CDH12: variants seen among roughly 807,000 people sequenced by gnomAD.
CDH12 encodes the protein cadherin 12.
CDH12 carries 41 observed loss-of-function variants against 74.1 expected under a neutral mutation model. The observed-to-expected ratio is 0.55, with a 90% confidence interval of 0.43 to 0.72. The LOEUF is 0.72. CDH12 is among the 30% of genes least tolerant of loss of function. CDH12 has a pLI of 0.00. For missense variants in CDH12, 945 were observed against 977.2 expected, an observed-to-expected ratio of 0.97 and a Z score of 0.44; for synonymous variants, 399 against 355.0, an observed-to-expected ratio of 1.12 and a Z score of -1.39.
chr5:22,460,316 A>G (rs1374679092), intron 2 of CDH12, among the ~76,000 whole-genome samples: 13 of 152,328 alleles, frequency 8.5e-5, no homozygotes, highest in African/African-American at 1.4e-4. Flanking sequence ...ATGCCTGTTT[A>G]TACCCTGTGA....
chr5:22,492,548 T>C (rs1746923920), intron 2 of CDH12, among the ~76,000 whole-genome samples: 1 of 151,988 alleles, frequency 6.6e-6, no homozygotes, highest in Non-Finnish European at 1.5e-5. Flanking sequence ...GGTTTCATCA[T>C]GTTGGTCAGG....
intron 1 of CDH12, among the ~76,000 whole-genome samples, chr5:22,514,161 G>A (rs1337453338): frequency 1.3e-5 from 2 of 151,814 alleles, no homozygotes; most frequent in African/African-American, 4.8e-5. Flanking sequence ...TCAAAACACA[G>A]AGTAAGATAA....
intron 5 of CDH12, among the ~76,000 whole-genome samples, chr5:22,049,233 A>G (rs539394215): frequency 6.6e-6 from 1 of 152,276 alleles, no homozygotes; most frequent in South Asian, 2.1e-4. Context: ...TTATCAACAC[A>G]ATTCTGATAT....
At chr5:22,121,096 T>C (rs965996586) in intron 4 of CDH12, among the ~76,000 whole-genome samples, 2 of 152,192 alleles carry the variant, frequency 1.3e-5, no homozygotes, top group Non-Finnish European at 2.9e-5. Flanking sequence ...AATTTAAAAT[T>C]CAGACTTATA....
intron 1 of CDH12, among the ~76,000 whole-genome samples, chr5:22,519,291 T>G (rs1736942250): frequency 1.3e-5 from 2 of 152,116 alleles, no homozygotes; most frequent in Admixed American, 1.3e-4. Flanking sequence ...CACCACCATT[T>G]TTATTCTCTA....
At chr5:21,859,515 G>T (rs1362719498) in intron 6 of CDH12, among the ~76,000 whole-genome samples, 1 of 151,750 alleles carries the variant, frequency 6.6e-6, no homozygotes, top group Non-Finnish European at 1.5e-5. Context: ...CCAATATATG[G>T]TACCATTTCT....
chr5:21,934,659 G>A (rs1385963978), intron 6 of CDH12, among the ~76,000 whole-genome samples: 1 of 152,182 alleles, frequency 6.6e-6, no homozygotes, highest in Non-Finnish European at 1.5e-5. Context: ...GTGTCTGTGA[G>A]TTTATGTATA....
At chr5:22,565,692 T>C (rs1436166104) in intron 1 of CDH12, among the ~76,000 whole-genome samples, 2 of 152,114 alleles carry the variant, frequency 1.3e-5, no homozygotes. Context: ...TGACAACATA[T>C]TGATTCAGTG....
At chr5:21,812,243 T>TA (rs1335663755) in intron 9 of CDH12, among the ~76,000 whole-genome samples, 1 of 152,080 alleles carries the variant, frequency 6.6e-6, no homozygotes, top group Non-Finnish European at 1.5e-5. Flanking sequence ...AACTGGTGTT[T>TA]AAAAAAGGAC....
chr5:22,785,293 A>C lies in CDH12; in HGVS notation c.-523+67765T>G, dbSNP rs1483338060. Among the ~76,000 whole-genome samples the C allele has an allele frequency of 2.0e-5, 3 of 152,208 alleles. No homozygotes were observed. In the East Asian group the frequency reaches 5.8e-4, roughly 29 times the overall value. ...ATTATAAATTTGATTAATCTTTTAC[A>C]TTGTTATTTATTAAGCAGAAGACCA... On this transcript the variant is annotated intron_variant, in intron 1 of 14. Coordinates refer to ENST00000382254, the MANE Select transcript of CDH12 (RefSeq NM_004061.5).
At chr5:21,940,430 T>C (rs906125282) in intron 6 of CDH12, among the ~76,000 whole-genome samples, 1 of 152,182 alleles carries the variant, frequency 6.6e-6, no homozygotes, top group African/African-American at 2.4e-5. Context: ...TTGAACATAA[T>C]TGTGGAAATA....
At chr5:21,929,643 G>A (rs1184317341) in intron 6 of CDH12, among the ~76,000 whole-genome samples, 1 of 151,890 alleles carries the variant, frequency 6.6e-6, no homozygotes, top group African/African-American at 2.4e-5. Context: ...TCAGCCTCCC[G>A]AGTAGCTGGG....
At chr5:21,886,601 T>C (rs149554061) in intron 6 of CDH12, among the ~76,000 whole-genome samples, 3,085 of 148,250 alleles carry the variant, frequency 0.021, 70 homozygotes, top group African/African-American at 0.058. Context: ...AGGGGATATA[T>C]AAAACTCTTT....
chr5:21,916,352 T>C (rs1754092902), intron 6 of CDH12, among the ~76,000 whole-genome samples: 1 of 152,288 alleles, frequency 6.6e-6, no homozygotes. Flanking sequence ...AAGGTCAAAA[T>C]TATGGGAAAC....
chr5:22,232,858 T>C (rs1027179099), intron 3 of CDH12, among the ~76,000 whole-genome samples: 2 of 147,200 alleles, frequency 1.4e-5, no homozygotes, highest in South Asian at 2.1e-4. Context: ...TAAATATATA[T>C]ATATTTATAT....
rs553100040 is a variant in CDH12 at position 21,818,663 on chromosome 5, T to C, written c.815-1531A>G. Among the ~76,000 whole-genome samples the C allele has an allele frequency of 7.9e-5, 12 of 152,074 alleles. No homozygotes were observed. In the South Asian group the frequency reaches 2.5e-3, roughly 32 times the overall value. ...GAGCTAAATACTCAACTAAAGTTTG[T>C]TTATTTTACATATAAGACAAAATGA... On this transcript the variant is annotated intron_variant, in intron 8 of 14. Coordinates refer to ENST00000382254, the MANE Select transcript of CDH12 (RefSeq NM_004061.5).
intron 1 of CDH12, among the ~76,000 whole-genome samples, chr5:22,749,114 C>A (rs545731044): frequency 4.6e-5 from 7 of 152,174 alleles, no homozygotes; most frequent in African/African-American, 1.4e-4. Flanking sequence ...CCCTGGTGGG[C>A]GTGTTGGAGC....
chr5:22,376,089 T>C (rs1021807372), intron 3 of CDH12, among the ~76,000 whole-genome samples: 2 of 152,156 alleles, frequency 1.3e-5, no homozygotes, highest in Non-Finnish European at 2.9e-5. Context: ...GAACATGTGG[T>C]TCATACACAC....
intron 5 of CDH12, among the ~76,000 whole-genome samples, chr5:22,064,004 CACACACACACACACACAA>C (rs1234447317): frequency 2.0e-5 from 3 of 151,388 alleles, no homozygotes; most frequent in Non-Finnish European, 4.4e-5. Context: ...CACACACACA[CACACACACACACACACAA>C]ACACACACAC....
Sources: allele counts gnomAD v4.1 joint callset (sites outside exome capture counted in the v4.1 genomes callset), GRCh38; gene constraint gnomAD v4.1.1; transcripts MANE v1.5; gene names NCBI Gene and HGNC (gene_info 2026-07-23, HGNC 2026-07-21).